PUM2: variants seen among roughly 807,000 people sequenced by gnomAD.
PUM2 encodes the protein pumilio RNA binding family member 2, also known as pumilio homolog 2.
PUM2 carries 57 observed loss-of-function variants against 124.5 expected under a neutral mutation model. The ratio of observed to expected loss-of-function variants is 0.46; its 90% CI spans 0.37 to 0.57. The LOEUF is 0.57. Ranked by LOEUF, PUM2 falls within the 20% of genes least tolerant of loss-of-function variation. The probability of loss-of-function intolerance (pLI) is 0.00; values close to 1 mark genes in which losing one functional copy is unlikely to be tolerated. For synonymous variants in PUM2, 460 were observed against 446.1 expected, an observed-to-expected ratio of 1.03 and a Z score of -0.39; for missense variants, 1,065 against 1,290.6, an observed-to-expected ratio of 0.83 and a Z score of 2.68.
intron 13 of PUM2, among the ~76,000 whole-genome samples, chr2:20,264,713 C>T (rs1188458109): frequency 6.6e-6 from 1 of 151,974 alleles, no homozygotes; most frequent in Non-Finnish European, 1.5e-5. Flanking sequence ...TATGCAAAAT[C>T]TATGCAGAGT....
chr2:20,312,288 A>G lies in PUM2; in HGVS notation c.296T>C (p.Leu99Ser). The G allele has an allele frequency of 1.2e-6, 2 of 1,613,352 alleles. No homozygotes were observed. The highest frequency in any genetic ancestry group is 1.7e-6 in the Non-Finnish European group (2 of 1,179,524). ...GLGVSMVEYV[L>S]SSSPADKLDS... ...CAATTTATCAGCAGGAGAAGAACTTAATACATATTCTACCATGCTCACACC... is the reference window on the plus strand; with the variant it reads ...CAATTTATCAGCAGGAGAAGAACTTGATACATATTCTACCATGCTCACACC... Residue 99 changes from leucine (L) to serine (S), a missense_variant, in exon 4 of 21, where the codon TTA (leucine) becomes TCA (serine). By Grantham distance (145) the Leu-to-Ser change is moderately radical. Transcript: ENST00000361078.
At chr2:20,342,086 G>T (rs941950695) in intron 1 of PUM2, among the ~76,000 whole-genome samples, 27 of 144,916 alleles carry the variant, frequency 1.9e-4, no homozygotes, top group African/African-American at 5.9e-4. Context: ...CGGAGATTGC[G>T]CCACTACACT....
Position 20,350,718 on chromosome 2 carries a change from C to A in PUM2, c.-140G>T. The A allele has an allele frequency of 1.0e-6, 1 of 980,770 alleles. No homozygotes were observed. Among genetic ancestry groups the A allele is most frequent in the Non-Finnish European group, 1.2e-6 (1 of 827,726 alleles). The allele number at this position is 980,770 out of a possible 1,614,324, so 60.8% of individuals were successfully genotyped here. A position where few individuals can be genotyped will look rare whatever the true frequency, so the allele number is the denominator to read the frequency against. On this transcript the variant is annotated 5_prime_UTR_variant, in exon 1 of 21. The change creates a new upstream start codon in the 5' untranslated region. Transcript: ENST00000361078. ...TGGCGGCAATGTCTTCTTTCTCCAC[C>A]TACCACCCTCCCCCCCCACCCCACC... is the stretch of plus-strand genomic sequence containing the variant.
chr2:20,267,438 T>C (rs761502876), intron 13 of PUM2, among the ~76,000 whole-genome samples: 25 of 152,212 alleles, frequency 1.6e-4, no homozygotes, highest in Non-Finnish European at 2.4e-4. Context: ...CTGGAAAACA[T>C]GGGTGAAGGG....
intron 7 of PUM2, among the ~76,000 whole-genome samples, chr2:20,307,414 A>T (rs1459252345): frequency 6.2e-4 from 95 of 152,268 alleles, no homozygotes; most frequent in African/African-American, 2.1e-3. Context: ...AATAAAATAA[A>T]ACTATACATA....
In PUM2 at chr2:20,263,339, G is replaced by C. The variant is rs781094471; in HGVS notation, c.2079C>G (p.Ser693=). ...TATCAGACCTATTATACCGAAGCCG[G>C]GAAGGAGGAAAGAGCTGGCTGCTGG... ...FSSSSQLFPP[S]RLRYNRSDIM... is the part of the protein sequence containing the mutation. The change falls in exon 14 of 21, where the codon TCC becomes TCG. Residue 693 remains serine (S), a synonymous_variant. Transcript: ENST00000361078. 15 of 1,614,060 alleles carry C rather than the reference G, an allele frequency of 9.3e-6. No individual in the cohort carries two copies. The highest frequency in any genetic ancestry group is 1.2e-5 in the Non-Finnish European group (14 of 1,180,036).
At chr2:20,284,661 C>T (rs983765159) in intron 10 of PUM2, among the ~76,000 whole-genome samples, 1 of 152,180 alleles carries the variant, frequency 6.6e-6, no homozygotes, top group Non-Finnish European at 1.5e-5. Flanking sequence ...ACAGACTATA[C>T]TGAAATACAT....
chr2:20,323,905 T>C (rs1572930410), intron 2 of PUM2, among the ~76,000 whole-genome samples: 1 of 43,848 alleles, frequency 2.3e-5, no homozygotes, highest in East Asian at 7.7e-4. Flanking sequence ...AGATACGGAC[T>C]AGCAAAAAAA....
intron 13 of PUM2, among the ~76,000 whole-genome samples, chr2:20,271,678 G>T (rs1393844807): frequency 6.6e-6 from 1 of 151,898 alleles, no homozygotes; most frequent in Non-Finnish European, 1.5e-5. Context: ...CATTTAATTT[G>T]GATTAAAGAT....
intron 1 of PUM2, among the ~76,000 whole-genome samples, chr2:20,332,282 A>AGAGTGTGTGTGTGTGTGT (rs1346037244): frequency 6.9e-6 from 1 of 145,372 alleles, no homozygotes; most frequent in Non-Finnish European, 1.5e-5. Flanking sequence ...ATACTACTAG[A>AGAGTGTGTGTGTGTGTGT]GTGTGTGTGT....
chr2:20,291,732 T>C (rs763543807), intron 9 of PUM2, among the ~76,000 whole-genome samples: 4 of 152,144 alleles, frequency 2.6e-5, no homozygotes, highest in Non-Finnish European at 5.9e-5. Context: ...ATCCTTTTCA[T>C]GTCTTTTATT....
chr2:20,303,748 A>C (rs961836396), intron 7 of PUM2, among the ~76,000 whole-genome samples: 1 of 152,160 alleles, frequency 6.6e-6, no homozygotes, highest in African/African-American at 2.4e-5. Flanking sequence ...ATCCTAATTC[A>C]TTTAGCGGTA....
intron 1 of PUM2, among the ~76,000 whole-genome samples, chr2:20,337,292 T>C (rs1328342089): frequency 4.6e-5 from 7 of 152,212 alleles, no homozygotes. Context: ...TTAGTTATGA[T>C]ACTAGCAAGA....
chr2:20,314,885 G>A (rs1156473448), intron 3 of PUM2, among the ~76,000 whole-genome samples: 1 of 151,698 alleles, frequency 6.6e-6, no homozygotes, highest in African/African-American at 2.4e-5. Context: ...AGAAAAAAGT[G>A]CTTTAACAAA....
chr2:20,296,217 C>T (rs182862968), intron 8 of PUM2, among the ~76,000 whole-genome samples: 2 of 152,238 alleles, frequency 1.3e-5, no homozygotes, highest in Admixed American at 1.3e-4. Flanking sequence ...CAGTCTTGGC[C>T]GGGCGCGGTG....
At chr2:20,340,586 G>T (rs995215699) in intron 1 of PUM2, among the ~76,000 whole-genome samples, 3 of 152,184 alleles carry the variant, frequency 2.0e-5, no homozygotes, top group Non-Finnish European at 4.4e-5. Flanking sequence ...AGTTGCTCAG[G>T]TTTCACCTAC....
At position 20,312,441 on chromosome 2, in the gene PUM2, C is replaced by T. The variant is rs1171008421; in HGVS notation, c.161-18G>A. On this transcript the variant is annotated intron_variant, in intron 3 of 20. Coordinates refer to ENST00000361078, the MANE Select transcript of PUM2 (RefSeq NM_015317.5). ...TGAATGGTCTGTTTGGAAGAAAAAA[C>T]ACAATTATATACTTATACTTTTAAG... 1.9e-6 allele frequency: 3 copies of T among 1,599,548 alleles called. No individual in the cohort carries two copies. Among genetic ancestry groups the T allele is most frequent in the African/African-American group, 2.7e-5 (2 of 74,282 alleles).
intron 10 of PUM2, among the ~76,000 whole-genome samples, chr2:20,288,970 G>A (rs1485740626): frequency 6.6e-6 from 1 of 152,050 alleles, no homozygotes; most frequent in Non-Finnish European, 1.5e-5. Context: ...AAAAAGTTGT[G>A]GCTCAAAAGA....
chr2:20,248,715 T>C (rs1662570471), downstream of PUM2: 1 of 152,676 alleles, frequency 6.5e-6, no homozygotes. Flanking sequence ...GTATTTTATC[T>C]AGAGAAAAAC....
Sources: gnomAD v4.1 joint callset for allele counts (sites outside exome capture counted in the v4.1 genomes callset) on GRCh38, gnomAD v4.1.1 for gene constraint, MANE v1.5 for transcripts, NCBI Gene and HGNC (gene_info 2026-07-23, HGNC 2026-07-21) for gene names.